The following PARVB variants were observed in gnomAD, a reference collection of about 807,000 sequenced individuals.
PARVB encodes beta-parvin.
PARVB carries 46 observed loss-of-function variants against 47.0 expected under a neutral mutation model. The observed-to-expected ratio is 0.98, with a 90% CI of 0.77 to 1.25. The LOEUF (loss-of-function observed/expected upper bound fraction) is 1.25, where lower values mean the gene tolerates loss of function less well. Ranked by LOEUF, PARVB falls within the 50% of genes most tolerant of loss-of-function variation. The pLI is 0.00. For synonymous variants in PARVB, 196 were observed against 196.3 expected, an observed-to-expected ratio of 1.00 and a Z score of 0.01; for missense variants, 473 against 471.6, an observed-to-expected ratio of 1.00 and a Z score of -0.03.
chr22:44,164,413 C>CCCT (rs1555913776), intron 12 of PARVB, among the ~76,000 whole-genome samples: 6 of 143,870 alleles, frequency 4.2e-5, no homozygotes, highest in South Asian at 2.2e-4. Context: ...TCCCTGTCCC[C>CCCT]CCCCCGGCTC....
At position 44,169,259 on chromosome 22, in the gene PARVB, G is replaced by A. The variant is rs1243644623; in HGVS notation, c.*581G>A. 6.6e-6 allele frequency: 1 copy of A among 150,688 alleles called. No individual in the cohort carries two copies. Among genetic ancestry groups the A allele is most frequent in the Non-Finnish European group, 1.5e-5 (1 of 68,454 alleles). The allele number at this position is 150,688 out of a possible 1,614,324, so 9.3% of individuals were successfully genotyped here. A position where few individuals can be genotyped will look rare whatever the true frequency, so the allele number is the denominator to read the frequency against. Reference sequence around the variant, plus strand: ...GTCCCAGAAGCTTAGATGTGACATGGGTGTCCTCCACCCACATTCCTATCA... The same window carrying A: ...GTCCCAGAAGCTTAGATGTGACATGAGTGTCCTCCACCCACATTCCTATCA... On this transcript the variant is annotated 3_prime_UTR_variant, in exon 13 of 13. Transcript: ENST00000338758.
At chr22:44,072,733 G>A (rs1428344468) in intron 1 of PARVB, among the ~76,000 whole-genome samples, 2 of 152,040 alleles carry the variant, frequency 1.3e-5, no homozygotes, top group Non-Finnish European at 2.9e-5. Flanking sequence ...GTGAACCATC[G>A]CGCCTGGCCC....
At chr22:44,100,756 C>T (rs1453386586) in intron 3 of PARVB, among the ~76,000 whole-genome samples, 1 of 152,162 alleles carries the variant, frequency 6.6e-6, no homozygotes, top group Non-Finnish European at 1.5e-5. Context: ...GGTCCAAGGA[C>T]AGATTGCAGT....
rs373028366 is a variant in PARVB at position 44,019,098 on chromosome 22, G to A, written c.211+19425G>A. 4.6e-4 allele frequency among the ~76,000 whole-genome samples: 70 copies of A among 152,132 alleles called. 2 individuals carry two copies. Among genetic ancestry groups the A allele is most frequent in the East Asian group, 4.3e-3 (22 of 5,176 alleles). On this transcript the variant is annotated intron_variant, in intron 2 of 13. Transcript: ENST00000406477. ...TACCTGGCTAATTTTTGTATTTTTAGTAGAGACAGGGTTCCACCATGTTGG... is the reference window on the plus strand; with the variant it reads ...TACCTGGCTAATTTTTGTATTTTTAATAGAGACAGGGTTCCACCATGTTGG...
rs1401792035 is a variant in PARVB at position 44,170,443 on chromosome 22, T to C, written c.*1765T>C. 6.6e-6 allele frequency: 1 copy of C among 152,220 alleles called. No individual in the cohort carries two copies. Among genetic ancestry groups the C allele is most frequent in the Admixed American group, 6.5e-5 (1 of 15,286 alleles). The allele number at this position is 152,220 out of a possible 1,614,324, so 9.4% of individuals were successfully genotyped here. On this transcript the variant is annotated 3_prime_UTR_variant, in exon 13 of 13. Coordinates refer to ENST00000338758, the MANE Select transcript of PARVB (RefSeq NM_013327.5). ...GTGCTGGGGTTAGGACTTCAGCATG[T>C]GGATTTGTGGGGGGCATAATTTGCC...
chr22:44,059,841 C>G (rs1277045962), intron 1 of PARVB, among the ~76,000 whole-genome samples: 1 of 152,152 alleles, frequency 6.6e-6, no homozygotes, highest in African/African-American at 2.4e-5. Flanking sequence ...TTAAACAGCA[C>G]TCGTCGTCTT....
chr22:44,082,711 C>G (rs577278052), intron 1 of PARVB, among the ~76,000 whole-genome samples: 10 of 152,228 alleles, frequency 6.6e-5, no homozygotes, highest in Admixed American at 3.3e-4. Flanking sequence ...TTACCGTGCA[C>G]CTGGAAGTCT....
At chr22:44,119,187 A>G (rs371653660) in intron 4 of PARVB, 47 bp downstream of exon 4, 1 of 1,338,208 alleles carries the variant, frequency 7.5e-7, no homozygotes. Context: ...ATCTCCCTGC[A>G]GCGGCCCTGG....
chr22:44,036,545 A>C (rs2050925874), intron 1 of PARVB, among the ~76,000 whole-genome samples: 1 of 152,120 alleles, frequency 6.6e-6, no homozygotes, highest in East Asian at 1.9e-4. Flanking sequence ...ATCTCCAAAA[A>C]ATTTTCCAAT....
At chr22:44,012,978 C>T (rs904524860) in intron 2 of PARVB, among the ~76,000 whole-genome samples, 1 of 151,894 alleles carries the variant, frequency 6.6e-6, no homozygotes, top group Non-Finnish European at 1.5e-5. Flanking sequence ...CTTACTGCAA[C>T]CTCCACCTCC....
intron 8 of PARVB, chr22:44,142,770 C>T (rs902383700): frequency 6.6e-6 from 1 of 152,238 alleles, no homozygotes; most frequent in African/African-American, 2.4e-5. Context: ...GAATTGTTCT[C>T]GTTACTTTGT....
chr22:44,101,853 C>T (rs866691268), intron 3 of PARVB, among the ~76,000 whole-genome samples: 3 of 151,626 alleles, frequency 2.0e-5, no homozygotes, highest in Non-Finnish European at 4.4e-5. Flanking sequence ...TTTTTTCCCT[C>T]TGAATACCCA....
intron 1 of PARVB, among the ~76,000 whole-genome samples, chr22:44,025,410 C>T (rs1168427943): frequency 1.3e-5 from 2 of 152,122 alleles, no homozygotes; most frequent in East Asian, 1.9e-4. Context: ...ATGTGTGTGC[C>T]CCGGGAAGAC....
intron 1 of PARVB, among the ~76,000 whole-genome samples, chr22:44,043,683 T>A (rs1413911417): frequency 6.6e-6 from 1 of 152,122 alleles, no homozygotes; most frequent in Non-Finnish European, 1.5e-5. Context: ...AGCCGAATTG[T>A]ACACTTTAAA....
chr22:44,021,086 C>T (rs1603423618), upstream of PARVB, among the ~76,000 whole-genome samples: 1 of 152,196 alleles, frequency 6.6e-6, no homozygotes, highest in African/African-American at 2.4e-5. Flanking sequence ...CCTGGCCCCC[C>T]TTTTGGGTTT....
At chr22:44,152,053 T>C in intron 10 of PARVB, 1 of 158,710 alleles carries the variant, frequency 6.3e-6, no homozygotes, top group Admixed American at 6.0e-5. Flanking sequence ...CACCCATGGC[T>C]TCATCCCAAC....
intron 1 of PARVB, among the ~76,000 whole-genome samples, chr22:44,066,632 G>A (rs2051529067): frequency 6.6e-6 from 1 of 152,192 alleles, no homozygotes; most frequent in Admixed American, 6.5e-5. Context: ...TACGCACCCT[G>A]TATAAGACCT....
intron 3 of PARVB, among the ~76,000 whole-genome samples, chr22:44,101,726 C>T (rs1437632741): frequency 6.7e-6 from 1 of 148,718 alleles, no homozygotes; most frequent in Non-Finnish European, 1.5e-5. Flanking sequence ...CCAGCCTGGG[C>T]ACCAAGAGTA....
intron 8 of PARVB, chr22:44,140,859 G>A: frequency 4.3e-6 from 1 of 233,610 alleles, no homozygotes; most frequent in Non-Finnish European, 9.0e-6. Context: ...GAAAGCCTGA[G>A]ACCTCATCTT....
Sources: allele counts gnomAD v4.1 joint callset (sites outside exome capture counted in the v4.1 genomes callset), GRCh38; gene constraint gnomAD v4.1.1; transcripts MANE v1.5; gene names NCBI Gene and HGNC (gene_info 2026-07-23, HGNC 2026-07-21).